EXOC4: variants seen among roughly 807,000 people sequenced by gnomAD.
The protein encoded by EXOC4 is SEC8-like 1.
EXOC4 carries 71 observed loss-of-function variants against 107.2 expected under a neutral mutation model. The observed-to-expected ratio is 0.66, with a 90% CI of 0.55 to 0.81. EXOC4 has a LOEUF of 0.81. Ranked by LOEUF, EXOC4 falls within the 30% of genes least tolerant of loss-of-function variation. The pLI, the probability that EXOC4 is intolerant of heterozygous loss-of-function variation, is 0.00. For synonymous variants in EXOC4, 456 were observed against 441.2 expected (o/e 1.03, Z -0.42); for missense variants, 1,108 against 1,189.6 (o/e 0.93, Z 1.01).
chr7:133,807,804 A>G (rs1021151432), intron 10 of EXOC4, among the ~76,000 whole-genome samples: 17 of 152,184 alleles, frequency 1.1e-4, no homozygotes, highest in African/African-American at 4.1e-4. Context: ...TCCAAATTAT[A>G]TGCTTAAAAA....
At chr7:133,583,296 T>G (rs185390765) in intron 9 of EXOC4, among the ~76,000 whole-genome samples, 205 of 152,332 alleles carry the variant, frequency 1.3e-3, no homozygotes, top group Non-Finnish European at 2.2e-3. Flanking sequence ...ATTACTCCGA[T>G]AATCTCTTAT....
chr7:133,346,820 G>A (rs918134417), intron 5 of EXOC4, among the ~76,000 whole-genome samples: 3 of 152,154 alleles, frequency 2.0e-5, no homozygotes, highest in Non-Finnish European at 4.4e-5. Flanking sequence ...TGTGTATCAT[G>A]CGTAGTATAA....
chr7:133,911,254 T>G (rs1799688780), intron 12 of EXOC4, among the ~76,000 whole-genome samples: 1 of 152,200 alleles, frequency 6.6e-6, no homozygotes. Context: ...GTAGCTCTCC[T>G]TTTTTGAGGC....
intron 9 of EXOC4, among the ~76,000 whole-genome samples, chr7:133,610,899 T>C (rs10242513): frequency 0.36 from 53,768 of 150,238 alleles, 10,432 homozygotes; most frequent in African/African-American, 0.51. Flanking sequence ...GCAGCTGTGA[T>C]CTCCTGGGCT....
At chr7:133,929,496 C>G (rs1800127960) in intron 13 of EXOC4, among the ~76,000 whole-genome samples, 1 of 151,884 alleles carries the variant, frequency 6.6e-6, no homozygotes, top group Non-Finnish European at 1.5e-5. Context: ...AATGGATCAT[C>G]TTAAGCCATT....
intron 7 of EXOC4, among the ~76,000 whole-genome samples, chr7:133,431,322 A>G (rs1176591140): frequency 1.3e-5 from 2 of 152,220 alleles, no homozygotes; most frequent in Non-Finnish European, 2.9e-5. Context: ...TGAGGCTAGC[A>G]TTCATAACAA....
intron 17 of EXOC4, among the ~76,000 whole-genome samples, chr7:134,012,569 G>T (rs1459688480): frequency 6.6e-6 from 1 of 152,122 alleles, no homozygotes; most frequent in Non-Finnish European, 1.5e-5. Context: ...ATAGAGAGGG[G>T]ATAACAAGAA....
intron 7 of EXOC4, among the ~76,000 whole-genome samples, chr7:133,432,225 A>C (rs1797871695): frequency 6.6e-6 from 1 of 152,188 alleles, no homozygotes; most frequent in Admixed American, 6.5e-5. Flanking sequence ...GAGGAAAAAA[A>C]AACAAAACAG....
At position 133,288,503 on chromosome 7, in the gene EXOC4, C is replaced by T. The variant is rs544348732; in HGVS notation, c.277-419C>T. Among the ~76,000 whole-genome samples the T allele has an allele frequency of 6.6e-5, 10 of 152,202 alleles. No homozygotes were observed. The East Asian group carries it at 1.7e-3, about 26-fold the overall frequency. On this transcript the variant is annotated intron_variant, in intron 2 of 17. Coordinates refer to ENST00000253861, the MANE Select transcript of EXOC4 (RefSeq NM_021807.4). Reference sequence around the variant, plus strand: ...TTAAACTTTAGCTGGAGTTCTAGAGCTAGAAGCTTGGACCAAGTGACCTAT... The same window carrying T: ...TTAAACTTTAGCTGGAGTTCTAGAGTTAGAAGCTTGGACCAAGTGACCTAT...
At chr7:133,269,629 G>A (rs1793816340) in intron 1 of EXOC4, among the ~76,000 whole-genome samples, 1 of 152,214 alleles carries the variant, frequency 6.6e-6, no homozygotes, top group African/African-American at 2.4e-5. Flanking sequence ...AATTTCACAA[G>A]TGGAGGATGA....
At chr7:133,911,791 G>A (rs1031549904) in intron 12 of EXOC4, among the ~76,000 whole-genome samples, 5 of 152,172 alleles carry the variant, frequency 3.3e-5, no homozygotes, top group Non-Finnish European at 5.9e-5. Flanking sequence ...GCTCAAAGAC[G>A]TAGATGCTGA....
At chr7:133,603,062 A>G (rs1253932180) in intron 9 of EXOC4, among the ~76,000 whole-genome samples, 1 of 152,230 alleles carries the variant, frequency 6.6e-6, no homozygotes, top group African/African-American at 2.4e-5. Flanking sequence ...TTTAGAAATC[A>G]AGAATATATT....
rs193078443 is a variant in EXOC4, at chr7:133,405,111, G to C, written c.1182+30109G>C. 2.8e-4 allele frequency among the ~76,000 whole-genome samples: 43 copies of C among 152,066 alleles called. No individual in the cohort carries two copies. In the East Asian group the frequency reaches 6.8e-3, roughly 24 times the overall value. Reference sequence around the variant, plus strand: ...TTAAAAAGAGAAAATTAAAACTTAGGTAAGTACTGTTTCTTTATTTTGTCT... The same window carrying C: ...TTAAAAAGAGAAAATTAAAACTTAGCTAAGTACTGTTTCTTTATTTTGTCT... On this transcript the variant is annotated intron_variant, in intron 7 of 17. Coordinates refer to ENST00000253861, the MANE Select transcript of EXOC4 (RefSeq NM_021807.4).
intron 3 of EXOC4, among the ~76,000 whole-genome samples, chr7:133,292,970 C>T (rs1247100073): frequency 6.6e-6 from 1 of 152,156 alleles, no homozygotes; most frequent in South Asian, 2.1e-4. Context: ...GCAAGGTTCT[C>T]TAGTGTCTAA....
intron 4 of EXOC4, among the ~76,000 whole-genome samples, chr7:133,312,870 C>T (rs1488122324): frequency 1.3e-5 from 2 of 151,604 alleles, no homozygotes; most frequent in African/African-American, 2.4e-5. Flanking sequence ...AGAATTTACA[C>T]CTTTATAATC....
chr7:134,042,489 A>G (rs1032974652), intron 17 of EXOC4, among the ~76,000 whole-genome samples: 2 of 151,946 alleles, frequency 1.3e-5, no homozygotes, highest in African/African-American at 2.4e-5. Context: ...AAAAAAAAAA[A>G]AGGAAAGTGA....
chr7:133,733,100 C>T (rs1041924141), intron 10 of EXOC4: 3 of 193,810 alleles, frequency 1.5e-5, no homozygotes, highest in Non-Finnish European at 3.4e-5. Flanking sequence ...TTGAGGCCAT[C>T]TGATGCAATT....
intron 17 of EXOC4, among the ~76,000 whole-genome samples, chr7:134,008,676 T>C (rs761731362): frequency 2.0e-5 from 3 of 152,150 alleles, no homozygotes; most frequent in Non-Finnish European, 4.4e-5. Flanking sequence ...AGGGTATTGC[T>C]CTGTTACCTA....
chr7:133,577,566 A>G (rs1314732717), intron 9 of EXOC4, among the ~76,000 whole-genome samples: 2 of 152,216 alleles, frequency 1.3e-5, no homozygotes, highest in East Asian at 3.8e-4. Flanking sequence ...CAGAGTATGG[A>G]GAGGAACCTA....
Sources: gnomAD v4.1 joint callset for allele counts (sites outside exome capture counted in the v4.1 genomes callset) on GRCh38, gnomAD v4.1.1 for gene constraint, MANE v1.5 for transcripts, NCBI Gene and HGNC (gene_info 2026-07-23, HGNC 2026-07-21) for gene names.